The following SLC25A12 variants were observed in gnomAD, a reference collection of about 807,000 sequenced individuals.
The protein encoded by SLC25A12 is electrogenic aspartate/glutamate antiporter SLC25A12, mitochondrial.
In SLC25A12, 32 loss-of-function variants were observed where a neutral mutation model predicts 83.3. The ratio of observed to expected loss-of-function variants is 0.38; its 90% CI spans 0.29 to 0.52. The LOEUF (loss-of-function observed/expected upper bound fraction) is 0.52, where lower values mean the gene tolerates loss of function less well. Among genes scored for constraint, SLC25A12 ranks in the 20% least tolerant of loss-of-function variants. The pLI is 0.84. For missense variants in SLC25A12, 611 were observed against 835.6 expected (o/e 0.73, Z 3.31); for synonymous variants, 267 against 291.1 (o/e 0.92, Z 0.84).
At chr2:171,888,092 T>TC in intron 2 of SLC25A12, among the ~76,000 whole-genome samples, 1 of 150,654 alleles carries the variant, frequency 6.6e-6, no homozygotes, top group East Asian at 1.9e-4. Flanking sequence ...TTTTCTTTTT[T>TC]CCTTTTTTTT....
At chr2:171,806,853 G>A (rs73976514) in intron 13 of SLC25A12, among the ~76,000 whole-genome samples, 84 of 152,262 alleles carry the variant, frequency 5.5e-4, no homozygotes, top group African/African-American at 1.9e-3. Flanking sequence ...ACCGTACATC[G>A]TATCACCACC....
At chr2:171,851,236 C>T (rs1018824501) in intron 4 of SLC25A12, among the ~76,000 whole-genome samples, 1 of 151,740 alleles carries the variant, frequency 6.6e-6, no homozygotes, top group Non-Finnish European at 1.5e-5. Flanking sequence ...CTCTTTCACC[C>T]AGGCTGGAGT....
In SLC25A12 at chr2:171,833,961, AC is replaced by A. The variant is rs2105885940; in HGVS notation, c.845+1del. On this transcript the variant is annotated splice_donor_variant, in intron 8 of 17. Transcript: ENST00000422440. LOFTEE classifies it high-confidence loss of function. ...ATCATGAAGAATTATTGAAATACTTACCCTGAAGCATTATATAAGTCTGCAA... is the reference window on the plus strand; with the variant it reads ...ATCATGAAGAATTATTGAAATACTTACCTGAAGCATTATATAAGTCTGCAA... The A allele has an allele frequency of 6.7e-7, 1 of 1,496,012 alleles. No homozygotes were observed. Among genetic ancestry groups the A allele is most frequent in the Non-Finnish European group, 9.3e-7 (1 of 1,072,556 alleles). 92.7% of individuals were successfully genotyped at this position (1,496,012 alleles called of 1,614,324 possible).
At chr2:171,825,392 G>C (rs1178545684) in intron 9 of SLC25A12, among the ~76,000 whole-genome samples, 1 of 152,122 alleles carries the variant, frequency 6.6e-6, no homozygotes, top group Non-Finnish European at 1.5e-5. Flanking sequence ...GTAGAAGAAA[G>C]GTTTCCTAAC....
rs368436763 is a variant in SLC25A12, at chr2:171,802,690, G to T, written c.1305+6916C>A. Among the ~76,000 whole-genome samples, 147 of 152,262 alleles carry T rather than the reference G, an allele frequency of 9.7e-4. 1 individual carries two copies. The highest frequency in any genetic ancestry group is 3.3e-3 in the African/African-American group (139 of 41,562). On this transcript the variant is annotated intron_variant, in intron 13 of 17. Coordinates refer to ENST00000422440, the MANE Select transcript of SLC25A12 (RefSeq NM_003705.5). ...ACTCGGGAGGCTGAGGCAGGAGAAT[G>T]GCGTGAACCCGGGAAGCGGAGCTTG...
intron 13 of SLC25A12, among the ~76,000 whole-genome samples, chr2:171,803,167 A>G (rs989323450): frequency 2.6e-5 from 4 of 152,022 alleles, no homozygotes; most frequent in African/African-American, 9.7e-5. Flanking sequence ...ATCGGAAAAG[A>G]CCTAGATGTA....
chr2:171,813,289 G>A, intron 11 of SLC25A12, 50 bp downstream of exon 11: 1 of 1,600,426 alleles, frequency 6.2e-7, no homozygotes, highest in Admixed American at 1.7e-5. Context: ...AAAATCTGCT[G>A]CTGGTGAGAT....
At chr2:171,881,046 T>C (rs1159647283) in intron 2 of SLC25A12, among the ~76,000 whole-genome samples, 1 of 152,230 alleles carries the variant, frequency 6.6e-6, no homozygotes, top group African/African-American at 2.4e-5. Flanking sequence ...ATGATTTATA[T>C]AAAATACTTA....
chr2:171,868,701 T>C lies in SLC25A12; in HGVS notation c.189A>G (p.Val63=), dbSNP rs756682372. The C allele has an allele frequency of 3.7e-6, 6 of 1,614,060 alleles. No individual in the cohort carries two copies. The highest frequency in any genetic ancestry group is 4.2e-6 in the Non-Finnish European group (5 of 1,179,912). The change falls in exon 3 of 18, where the codon GTA becomes GTG. Residue 63 remains valine, a synonymous_variant. Coordinates refer to ENST00000422440, the MANE Select transcript of SLC25A12 (RefSeq NM_003705.5). ...CTTACCCATCCTTGGTTTGATCAGC[T>C]ACTCCTGCCAAGAGCTGCACGATCT... ...NPKIVQLLAG[V]ADQTKDGLIS...
Position 171,834,850 on chromosome 2 carries a change from T to A in SLC25A12, c.628A>T (p.Ile210Phe). 1 of 1,613,910 alleles carries A rather than the reference T, an allele frequency of 6.2e-7. No individual in the cohort carries two copies. Among genetic ancestry groups the A allele is most frequent in the Non-Finnish European group, 8.5e-7 (1 of 1,179,928 alleles). ...ENLVSAAGGS[I>F]SHQVSFSYFN... ...TAGGAGAAGCTAACCTGGTGTGAGA[T>A]ACTTCCTCCAGCTGCCTAGAAAATG... is the stretch of plus-strand genomic sequence containing the variant. Residue 210 changes from isoleucine (I) to phenylalanine (F), a missense_variant, in exon 7 of 18, where the codon ATC becomes TTC. This residue lies in a region of SLC25A12 where 540 missense variants were observed against 777.5 expected (regional missense o/e 0.69). Transcript: ENST00000422440.
At chr2:171,804,044 T>C (rs1401727605) in intron 13 of SLC25A12, among the ~76,000 whole-genome samples, 2 of 152,186 alleles carry the variant, frequency 1.3e-5, no homozygotes, top group Non-Finnish European at 2.9e-5. Flanking sequence ...CCAATATTCA[T>C]AGCAGCATTA....
At chr2:171,824,391 G>A (rs1214901899) in intron 9 of SLC25A12, among the ~76,000 whole-genome samples, 1 of 152,166 alleles carries the variant, frequency 6.6e-6, no homozygotes, top group African/African-American at 2.4e-5. Context: ...CAAGAGAGGT[G>A]GGTGAATAGA....
rs570480284 is a variant in SLC25A12 at position 171,813,138 on chromosome 2, T to C, written c.1171+201A>G. Among the ~76,000 whole-genome samples the C allele has an allele frequency of 2.6e-5, 4 of 151,642 alleles. No homozygotes were observed. In the East Asian group the frequency reaches 7.8e-4, roughly 29 times the overall value. On this transcript the variant is annotated intron_variant, in intron 11 of 17. Coordinates refer to ENST00000422440, the MANE Select transcript of SLC25A12 (RefSeq NM_003705.5). ...AAATATAAACCACAAGAAGAAGAAATGAAGACCTTATTTGCAGATTAATAT... is the reference window on the plus strand; with the variant it reads ...AAATATAAACCACAAGAAGAAGAAACGAAGACCTTATTTGCAGATTAATAT...
chr2:171,791,417 G>A, intron 15 of SLC25A12, 34 bp downstream of exon 15: 4 of 1,574,246 alleles, frequency 2.5e-6, no homozygotes, highest in Non-Finnish European at 3.5e-6. Flanking sequence ...AATAATGGGA[G>A]AATTCTTTCA....
intron 5 of SLC25A12, among the ~76,000 whole-genome samples, chr2:171,840,174 G>A (rs577683572): frequency 5.9e-5 from 9 of 151,918 alleles, no homozygotes; most frequent in African/African-American, 1.7e-4. Context: ...TCCCTAATCC[G>A]AAATAAAAGA....
intron 9 of SLC25A12, among the ~76,000 whole-genome samples, chr2:171,821,017 C>CTTTTTTTT (rs869070730): frequency 3.1e-4 from 15 of 48,634 alleles, no homozygotes; most frequent in African/African-American, 1.1e-3. Flanking sequence ...TATAAACATT[C>CTTTTTTTT]TTTTTTTTTT....
At chr2:171,881,370 T>C (rs1685691103) in intron 2 of SLC25A12, among the ~76,000 whole-genome samples, 1 of 152,196 alleles carries the variant, frequency 6.6e-6, no homozygotes, top group African/African-American at 2.4e-5. Context: ...CAGGCTGGTC[T>C]TGAACTCCTA....
At chr2:171,843,298 G>C (rs573744533) in intron 5 of SLC25A12, among the ~76,000 whole-genome samples, 1 of 152,162 alleles carries the variant, frequency 6.6e-6, no homozygotes, top group Non-Finnish European at 1.5e-5. Context: ...CTTAGTATTA[G>C]TACACAGAAA....
At chr2:171,830,163 G>C (rs1048694610) in intron 8 of SLC25A12, among the ~76,000 whole-genome samples, 4 of 152,118 alleles carry the variant, frequency 2.6e-5, no homozygotes, top group African/African-American at 9.6e-5. Context: ...GAACTCTCTT[G>C]TTAGTTATTA....
Sources: allele counts gnomAD v4.1 joint callset (sites outside exome capture counted in the v4.1 genomes callset), GRCh38; gene constraint gnomAD v4.1.1; regional missense constraint gnomAD v4.1.1; transcripts MANE v1.5; gene names NCBI Gene and HGNC (gene_info 2026-07-23, HGNC 2026-07-21).